SLC39A11: variants seen among roughly 807,000 people sequenced by gnomAD.
SLC39A11 encodes zinc transporter ZIP11.
SLC39A11 carries 33 observed loss-of-function variants against 36.1 expected under a neutral mutation model. The observed-to-expected ratio is 0.91, with a 90% CI of 0.69 to 1.22. SLC39A11 has a LOEUF of 1.22. Among genes scored for constraint, SLC39A11 ranks in the 50% most tolerant of loss-of-function variants. The pLI, the probability that SLC39A11 is intolerant of heterozygous loss-of-function variation, is 0.00. For synonymous variants in SLC39A11, 166 were observed against 170.3 expected, an observed-to-expected ratio of 0.97 and a Z score of 0.20; for missense variants, 432 against 430.3, an observed-to-expected ratio of 1.00 and a Z score of -0.03.
intron 6 of SLC39A11, among the ~76,000 whole-genome samples, chr17:72,793,429 G>T (rs1233974993): frequency 1.3e-5 from 2 of 152,050 alleles, no homozygotes; most frequent in Non-Finnish European, 2.9e-5. Context: ...GAATTGCCTG[G>T]TACCCTAAGG....
chr17:72,747,559 T>G (rs146654948), intron 6 of SLC39A11, among the ~76,000 whole-genome samples: 2 of 152,282 alleles, frequency 1.3e-5, no homozygotes, highest in East Asian at 3.9e-4. Flanking sequence ...CACGTAACAC[T>G]GCAGCAGGGA....
At chr17:73,058,073 G>T (rs1304730887) in intron 3 of SLC39A11, among the ~76,000 whole-genome samples, 1 of 147,084 alleles carries the variant, frequency 6.8e-6, no homozygotes, top group Non-Finnish European at 1.5e-5. Flanking sequence ...TTTGTGGGGT[G>T]TGTCCCTCTT....
intron 6 of SLC39A11, among the ~76,000 whole-genome samples, chr17:72,753,964 C>A (rs1313740914): frequency 5.4e-5 from 7 of 130,008 alleles, no homozygotes; most frequent in African/African-American, 2.1e-4. Context: ...AATGTGGAAA[C>A]AGCCCAAATG....
At chr17:72,816,662 CATATGAA>C (rs1238947454) in intron 6 of SLC39A11, among the ~76,000 whole-genome samples, 14 of 152,290 alleles carry the variant, frequency 9.2e-5, no homozygotes, top group Non-Finnish European at 1.3e-4. Context: ...GAGAAAGGCT[CATATGAA>C]ACACAACAAA....
chr17:72,881,145 T>C (rs1022198593), intron 5 of SLC39A11, among the ~76,000 whole-genome samples: 1 of 151,962 alleles, frequency 6.6e-6, no homozygotes, highest in Non-Finnish European at 1.5e-5. Context: ...TACGGTCCAT[T>C]TCACTCCTTG....
chr17:72,832,171 G>A (rs2078312546), intron 6 of SLC39A11, among the ~76,000 whole-genome samples: 2 of 152,208 alleles, frequency 1.3e-5, no homozygotes, highest in African/African-American at 4.8e-5. Flanking sequence ...GAATGAGGAT[G>A]TGGTGCTGTC....
chr17:72,970,952 G>A (rs1236605152), intron 4 of SLC39A11, among the ~76,000 whole-genome samples: 1 of 152,200 alleles, frequency 6.6e-6, no homozygotes, highest in Non-Finnish European at 1.5e-5. Context: ...CTGGGTGTCT[G>A]GGGCTCTGGG....
chr17:72,919,093 G>T (rs1345981305), intron 5 of SLC39A11, among the ~76,000 whole-genome samples: 1 of 151,904 alleles, frequency 6.6e-6, no homozygotes. Context: ...AATAAATCAC[G>T]CTCATAACCC....
rs150257917 is a variant in SLC39A11 at position 73,053,059 on chromosome 17, T to C, written c.148-21345A>G. On this transcript the variant is annotated intron_variant, in intron 3 of 9. Coordinates refer to ENST00000255559, the MANE Select transcript of SLC39A11 (RefSeq NM_139177.4). ...ATGTATTCTAATCTTTTTCTTGTTA[T>C]GTTGGTGGTTACATATTACTCCATC... is the stretch of plus-strand genomic sequence containing the variant. 5.2e-3 allele frequency among the ~76,000 whole-genome samples: 799 copies of C among 152,322 alleles called. 6 individuals are homozygous for C. The highest frequency in any genetic ancestry group is 0.018 in the African/African-American group (735 of 41,568).
At chr17:73,038,122 G>A (rs1370632934) in intron 3 of SLC39A11, among the ~76,000 whole-genome samples, 1 of 152,182 alleles carries the variant, frequency 6.6e-6, no homozygotes, top group East Asian at 1.9e-4. Context: ...TACTCGGGAG[G>A]CTGAGACATG....
In SLC39A11 at chr17:72,734,880, G is replaced by A. The variant is rs146908386; in HGVS notation, c.671+1770C>T. Among the ~76,000 whole-genome samples the A allele has an allele frequency of 9.0e-3, 1,370 of 152,242 alleles. 24 individuals are homozygous for A. Among genetic ancestry groups the A allele is most frequent in the African/African-American group, 0.03 (1,246 of 41,552 alleles). On this transcript the variant is annotated intron_variant, in intron 7 of 9. Transcript: ENST00000255559. Reference sequence around the variant, plus strand: ...CACACCCTCTGGGCTCTTCAGCCCCGTGGATACTGCTTGACTCTGAAGTCT... The same window carrying A: ...CACACCCTCTGGGCTCTTCAGCCCCATGGATACTGCTTGACTCTGAAGTCT...
intron 7 of SLC39A11, among the ~76,000 whole-genome samples, chr17:72,684,470 C>T: frequency 6.6e-6 from 1 of 152,230 alleles, no homozygotes; most frequent in African/African-American, 2.4e-5. Flanking sequence ...CAGGTTTGGG[C>T]AGGCGTGCCC....
At chr17:72,805,810 G>A (rs1235481103) in intron 6 of SLC39A11, among the ~76,000 whole-genome samples, 1 of 151,486 alleles carries the variant, frequency 6.6e-6, no homozygotes, top group Non-Finnish European at 1.5e-5. Flanking sequence ...GTGTAGTGGG[G>A]CGATCCTGGC....
chr17:72,818,352 G>A (rs1026858410), intron 6 of SLC39A11, among the ~76,000 whole-genome samples: 8 of 152,056 alleles, frequency 5.3e-5, no homozygotes, highest in African/African-American at 1.7e-4. Context: ...GTAGCTCCTT[G>A]GACACCTGGA....
rs774708211 is a variant in SLC39A11, at chr17:72,853,189, A to ATT, written c.431-3387_431-3386dup. On this transcript the variant is annotated intron_variant, in intron 5 of 9. Coordinates refer to ENST00000255559, the MANE Select transcript of SLC39A11 (RefSeq NM_139177.4). ...GCCACCATGGCCAGCTAACTTTTGT[A>ATT]TTTTTTTTTTTTTTTTTCAGTAGAG... Among the ~76,000 whole-genome samples the ATT allele has an allele frequency of 9.5e-3, 1,167 of 122,230 alleles. 17 individuals carry two copies. Among genetic ancestry groups the ATT allele is most frequent in the African/African-American group, 0.034 (1,117 of 33,108 alleles). 80.2% of individuals were successfully genotyped at this position (122,230 alleles called of 152,430 possible).
intron 5 of SLC39A11, among the ~76,000 whole-genome samples, chr17:72,939,622 C>CACAGGG (rs2084972842): frequency 6.6e-6 from 1 of 152,114 alleles, no homozygotes; most frequent in Admixed American, 6.5e-5. Flanking sequence ...CACAGACACA[C>CACAGGG]ACAGGGACGA....
Position 73,061,436 on chromosome 17 carries a change from C to A in SLC39A11, c.147+23372G>T, listed in dbSNP as rs151271123. ...AACTGTTAACCCACCATCAAAAGAA[C>A]AAGAATTACTTAAATGCTAAGTCAG... is the stretch of plus-strand genomic sequence containing the variant. On this transcript the variant is annotated intron_variant, in intron 3 of 9. Coordinates refer to ENST00000255559, the MANE Select transcript of SLC39A11 (RefSeq NM_139177.4). 1.1e-4 allele frequency among the ~76,000 whole-genome samples: 17 copies of A among 152,250 alleles called. No individual in the cohort carries two copies. In the East Asian group the frequency reaches 3.3e-3, roughly 29 times the overall value.
chr17:72,754,366 C>A (rs1216980503), intron 6 of SLC39A11, among the ~76,000 whole-genome samples: 1 of 151,880 alleles, frequency 6.6e-6, no homozygotes, highest in South Asian at 2.1e-4. Context: ...GTAGTGGGTG[C>A]CCAAAAAGCT....
At position 72,941,308 on chromosome 17, in the gene SLC39A11, C is replaced by T. The variant is rs146121096; in HGVS notation, c.430+6444G>A. On this transcript the variant is annotated intron_variant, in intron 5 of 9. Transcript: ENST00000255559. ...CAGACCATGTGAAGCCACAGGGAGA[C>T]GACAGCCATCTACCAGCCAAGGAGA... 3.9e-3 allele frequency among the ~76,000 whole-genome samples: 598 copies of T among 152,180 alleles called. 3 individuals are homozygous for T. The highest frequency in any genetic ancestry group is 4.4e-3 in the Non-Finnish European group (297 of 67,988).
Sources: gnomAD v4.1 joint callset for allele counts (sites outside exome capture counted in the v4.1 genomes callset) on GRCh38, gnomAD v4.1.1 for gene constraint, MANE v1.5 for transcripts, NCBI Gene and HGNC (gene_info 2026-07-23, HGNC 2026-07-21) for gene names.